Variants in DIAPH3 observed in about 807,000 individuals in gnomAD.
DIAPH3 encodes protein diaphanous homolog 3.
Under a neutral mutation model 144.3 loss-of-function variants are expected in DIAPH3, and 117 were observed. That is an observed-to-expected ratio of 0.81 (90% CI 0.70 to 0.95). The LOEUF (loss-of-function observed/expected upper bound fraction) is 0.95, where lower values mean the gene tolerates loss of function less well. Ranked by LOEUF, DIAPH3 falls within the 40% of genes least tolerant of loss-of-function variation. The pLI is 0.00. For synonymous variants in DIAPH3, 519 were observed against 488.9 expected, an observed-to-expected ratio of 1.06 and a Z score of -0.81; for missense variants, 1,421 against 1,412.7, an observed-to-expected ratio of 1.01 and a Z score of -0.09.
At chr13:60,052,088 G>C (rs1174835557) in intron 4 of DIAPH3, among the ~76,000 whole-genome samples, 1 of 152,102 alleles carries the variant, frequency 6.6e-6, no homozygotes, top group Non-Finnish European at 1.5e-5. Context: ...ACCAAGGGCA[G>C]GGTTTATATG....
intron 24 of DIAPH3, among the ~76,000 whole-genome samples, chr13:59,817,305 C>T (rs1295698921): frequency 1.3e-5 from 2 of 151,880 alleles, no homozygotes; most frequent in Admixed American, 6.6e-5. Context: ...CATTTCCTAA[C>T]ATAATCCTAA....
At chr13:59,902,959 A>C (rs2046528261) in intron 20 of DIAPH3, among the ~76,000 whole-genome samples, 1 of 152,208 alleles carries the variant, frequency 6.6e-6, no homozygotes, top group South Asian at 2.1e-4. Context: ...ATGGCCATCT[A>C]AAGCACCATA....
chr13:59,879,455 T>C lies in DIAPH3; in HGVS notation c.2381A>G (p.Lys794Arg). Residue 794 changes from lysine to arginine, a missense_variant, in exon 21 of 28, where the codon AAG (lysine) becomes AGG (arginine). Coordinates refer to ENST00000400324, the MANE Select transcript of DIAPH3 (RefSeq NM_001042517.2). ...EQFVVVMSNV[K>R]RLRPRLSAIL... ...AGCACTGAGCCGTGGCCGTAGTCTC[T>C]TCACATTGCTCATCTGATTGAAAAG... 21 of 1,613,742 alleles carry C rather than the reference T, an allele frequency of 1.3e-5. No homozygotes were observed. The highest frequency in any genetic ancestry group is 1.7e-5 in the Non-Finnish European group (20 of 1,179,760).
chr13:60,020,378 T>C (rs1436650939), intron 5 of DIAPH3, among the ~76,000 whole-genome samples: 1 of 152,144 alleles, frequency 6.6e-6, no homozygotes, highest in Non-Finnish European at 1.5e-5. Context: ...TCAAAGATAA[T>C]AAAACCAAAG....
intron 17 of DIAPH3, among the ~76,000 whole-genome samples, chr13:59,943,637 A>C (rs2048654484): frequency 6.6e-6 from 1 of 152,224 alleles, no homozygotes; most frequent in African/African-American, 2.4e-5. Context: ...TCTCGGTTGA[A>C]ATTGGAACAA....
intron 22 of DIAPH3, among the ~76,000 whole-genome samples, chr13:59,841,956 T>C (rs1380392099): frequency 6.6e-6 from 1 of 152,128 alleles, no homozygotes; most frequent in East Asian, 1.9e-4. Context: ...ATTCAAGCAG[T>C]TTCATTCCAG....
intron 4 of DIAPH3, among the ~76,000 whole-genome samples, chr13:60,045,012 G>A (rs1334487542): frequency 2.0e-5 from 3 of 152,198 alleles, no homozygotes; most frequent in Non-Finnish European, 4.4e-5. Context: ...CCAGCCATGT[G>A]AAACTGTGAG....
chr13:59,738,715 A>T (rs1215668253), intron 27 of DIAPH3, among the ~76,000 whole-genome samples: 1 of 152,214 alleles, frequency 6.6e-6, no homozygotes, highest in Non-Finnish European at 1.5e-5. Context: ...TCCTTCACAT[A>T]ACAGCTTGCA....
intron 1 of DIAPH3, among the ~76,000 whole-genome samples, chr13:60,145,231 C>G (rs909869996): frequency 1.3e-5 from 2 of 152,164 alleles, no homozygotes; most frequent in Non-Finnish European, 1.5e-5. Context: ...GATGGGACAG[C>G]CAGCTGCTGA....
chr13:59,983,656 T>C (rs940588416), intron 13 of DIAPH3, 113 bp downstream of exon 13: 4 of 710,494 alleles, frequency 5.6e-6, no homozygotes, highest in Non-Finnish European at 9.7e-6. Flanking sequence ...AAAACAGTTT[T>C]GACAATTAGG....
chr13:60,116,438 A>G lies in DIAPH3; in HGVS notation c.214-4252T>C, dbSNP rs1443110012. Among the ~76,000 whole-genome samples the G allele has an allele frequency of 2.6e-5, 4 of 152,176 alleles. No homozygotes were observed. In the East Asian group the frequency reaches 7.7e-4, roughly 29 times the overall value. Reference sequence around the variant, plus strand: ...CATTACTGATGTTTGTTTAAAACAAAAACAAAAACTGAGAGAAACCAAAAA... The same window carrying G: ...CATTACTGATGTTTGTTTAAAACAAGAACAAAAACTGAGAGAAACCAAAAA... On this transcript the variant is annotated intron_variant, in intron 2 of 27. Transcript: ENST00000400324.
At chr13:60,006,766 C>A (rs1205988970) in intron 9 of DIAPH3, among the ~76,000 whole-genome samples, 2 of 152,120 alleles carry the variant, frequency 1.3e-5, no homozygotes, top group Non-Finnish European at 2.9e-5. Flanking sequence ...AATTAAAAGA[C>A]TCTAGTCTCT....
intron 18 of DIAPH3, among the ~76,000 whole-genome samples, chr13:59,921,790 T>C (rs2047532013): frequency 6.6e-6 from 1 of 151,992 alleles, no homozygotes; most frequent in Non-Finnish European, 1.5e-5. Flanking sequence ...GGAAAGCTAC[T>C]TGTCAATAAC....
At chr13:60,118,295 T>TA (rs778441889) in intron 2 of DIAPH3, among the ~76,000 whole-genome samples, 7 of 152,188 alleles carry the variant, frequency 4.6e-5, no homozygotes, top group Non-Finnish European at 8.8e-5. Flanking sequence ...ACTCAGTGTT[T>TA]AAGGTTTTCA....
At chr13:59,774,103 A>G (rs2038262293) in intron 27 of DIAPH3, 86 bp downstream of exon 27, 11 of 1,329,714 alleles carry the variant, frequency 8.3e-6, no homozygotes, top group Non-Finnish European at 1.1e-5. Context: ...GGAACTTGAG[A>G]ATTTCACAGC....
At chr13:60,048,393 A>G (rs1467152166) in intron 4 of DIAPH3, among the ~76,000 whole-genome samples, 3 of 152,250 alleles carry the variant, frequency 2.0e-5, no homozygotes, top group Admixed American at 1.3e-4. Context: ...TAATAAACAG[A>G]TTAAAAACTT....
intron 7 of DIAPH3, among the ~76,000 whole-genome samples, chr13:60,014,434 T>C (rs1335408320): frequency 2.6e-5 from 4 of 152,144 alleles, no homozygotes; most frequent in African/African-American, 9.7e-5. Context: ...ACATATTTTC[T>C]TTGAAAATAA....
In DIAPH3 at chr13:59,769,674, AT is replaced by A. The variant is rs1358508001; in HGVS notation, c.3319+4514del. On this transcript the variant is annotated intron_variant, in intron 27 of 27. Transcript: ENST00000400324. The stretch of plus-strand genomic sequence containing the variant: ...TCCCTCTCACTTACACTTTAGTTCC[AT>A]ACTAACTATGGGGACCTGTCATTTT... 1.9e-3 allele frequency among the ~76,000 whole-genome samples: 295 copies of A among 151,716 alleles called. 5 individuals are homozygous for A. The East Asian group carries it at 0.024, about 12-fold the overall frequency.
chr13:59,777,607 G>A (rs2038490763), intron 25 of DIAPH3, among the ~76,000 whole-genome samples: 2 of 152,158 alleles, frequency 1.3e-5, no homozygotes, highest in South Asian at 4.1e-4. Flanking sequence ...TACCAACAAT[G>A]TGGAATATGC....
Sources: allele counts gnomAD v4.1 joint callset (sites outside exome capture counted in the v4.1 genomes callset), GRCh38; gene constraint gnomAD v4.1.1; transcripts MANE v1.5; gene names NCBI Gene and HGNC (gene_info 2026-07-23, HGNC 2026-07-21).